ABCA4: variants seen among roughly 807,000 people sequenced by gnomAD.
ABCA4 encodes the protein ATP binding cassette subfamily A member 4.
A neutral mutation model predicts 263.7 loss-of-function variants in ABCA4; 196 were observed. The observed-to-expected ratio is 0.74, with a 90% confidence interval of 0.66 to 0.84. ABCA4 has a LOEUF of 0.84. ABCA4 is among the 40% of genes least tolerant of loss of function. The probability of loss-of-function intolerance (pLI) is 0.00; values close to 1 mark genes in which losing one functional copy is unlikely to be tolerated. For missense variants in ABCA4, 2,792 were observed against 2,855.1 expected, an observed-to-expected ratio of 0.98 and a Z score of 0.50; for synonymous variants, 1,133 against 1,094.2, an observed-to-expected ratio of 1.04 and a Z score of -0.70.
chr1:94,098,747 C>A (rs764563400), intron 6 of ABCA4, 47 bp downstream of exon 6: 18 of 1,603,500 alleles, frequency 1.1e-5, no homozygotes, highest in African/African-American at 1.3e-5. Context: ...GCTCTGCTAC[C>A]CCAGGAATCA....
At chr1:94,052,869 C>T (rs1660877231) in intron 16 of ABCA4, among the ~76,000 whole-genome samples, 3 of 152,198 alleles carry the variant, frequency 2.0e-5, no homozygotes. Flanking sequence ...TAAGCCCCTT[C>T]CTCTACCACA....
intron 6 of ABCA4, among the ~76,000 whole-genome samples, chr1:94,090,309 T>G (rs1260511938): frequency 6.6e-6 from 1 of 152,148 alleles, no homozygotes; most frequent in African/African-American, 2.4e-5. Context: ...TCATTTAATA[T>G]TCATTCATTA....
Position 94,001,880 on chromosome 1 carries a change from C to A in ABCA4, c.6260G>T (p.Gly2087Val). 1 of 1,614,242 alleles carries A rather than the reference C, an allele frequency of 6.2e-7. No individual in the cohort carries two copies. ...RKLSTAIALI[G>V]CPPLVLLDEP... ...TACCAGCAGCACCAGCGGTGGGCAG[C>A]CAATGAGTGCGATGGCTGTGGAGAG... Residue 2087 changes from glycine (G) to valine (V), a missense_variant, in exon 45 of 50, where the codon GGC becomes GTC. Transcript: ENST00000370225.
chr1:94,009,022 G>A, intron 40 of ABCA4, 151 bp from the exon 41 acceptor site: 1 of 1,157,534 alleles, frequency 8.6e-7, no homozygotes, highest in Non-Finnish European at 1.2e-6. Flanking sequence ...CTCCCAGCAG[G>A]AGAGGCATTA....
chr1:94,062,003 G>A (rs775100801), intron 13 of ABCA4, among the ~76,000 whole-genome samples: 1 of 152,046 alleles, frequency 6.6e-6, no homozygotes, highest in Non-Finnish European at 1.5e-5. Context: ...CAGTCAAACA[G>A]TAGGCTGCTT....
At chr1:94,099,159 G>A (rs1662223495) in intron 5 of ABCA4, among the ~76,000 whole-genome samples, 168 bp from the exon 6 acceptor site, 1 of 152,154 alleles carries the variant, frequency 6.6e-6, no homozygotes, top group Non-Finnish European at 1.5e-5. Context: ...AGATTATTTT[G>A]GCTTTTCTAG....
chr1:94,087,287 C>A (rs1300347733), intron 6 of ABCA4, among the ~76,000 whole-genome samples: 4 of 152,190 alleles, frequency 2.6e-5, no homozygotes, highest in African/African-American at 9.7e-5. Flanking sequence ...ATAAGAAAGA[C>A]CTCAAGAATA....
intron 43 of ABCA4, 82 bp downstream of exon 43, chr1:94,007,552 A>C: frequency 7.9e-7 from 1 of 1,267,170 alleles, no homozygotes; most frequent in Non-Finnish European, 1.2e-6. Context: ...CCACCCTACT[A>C]TAGGGTCTGA....
intron 40 of ABCA4, 96 bp downstream of exon 40, chr1:94,010,704 G>A: frequency 1.9e-6 from 3 of 1,564,652 alleles, no homozygotes; most frequent in Non-Finnish European, 2.6e-6. Flanking sequence ...ACATTGTGGA[G>A]TGGGGCTCCT....
intron 11 of ABCA4, 41 bp downstream of exon 11, chr1:94,077,649 C>G: frequency 6.4e-7 from 1 of 1,560,438 alleles, no homozygotes; most frequent in Non-Finnish European, 8.7e-7. Flanking sequence ...ACTCATGGGG[C>G]TATCTTCAAG....
intron 38 of ABCA4, 93 bp downstream of exon 38, chr1:94,014,450 T>C: frequency 3.5e-6 from 5 of 1,433,182 alleles, no homozygotes; most frequent in Non-Finnish European, 4.9e-6. Context: ...ATACAGCTGC[T>C]ACATGTACGA....
Position 94,053,798 on chromosome 1 carries a change from C to G in ABCA4, c.2587+1313G>C, listed in dbSNP as rs540458507. ...TTAGTGGTATTTTGTTATGGCAGCC[C>G]TAGTAAATGAATGCACGCTTGCCAC... On this transcript the variant is annotated intron_variant, in intron 16 of 49. Transcript: ENST00000370225. Among the ~76,000 whole-genome samples the G allele has an allele frequency of 1.6e-4, 24 of 152,344 alleles. 1 individual carries two copies. The South Asian group carries it at 5.0e-3, about 32-fold the overall frequency.
Position 94,055,330 on chromosome 1 carries a change from A to T in ABCA4, c.2383-15T>A, listed in dbSNP as rs1660946852. 1 of 1,613,056 alleles carries T rather than the reference A, an allele frequency of 6.2e-7. No homozygotes were observed. Among genetic ancestry groups the T allele is most frequent in the African/African-American group, 1.3e-5 (1 of 75,004 alleles). ...GACAGTAAGCTCTGCAGTGAGGCGG[A>T]GAGGGCACAGAAAAAGAGCAGTGCC... On this transcript the variant is annotated splice_polypyrimidine_tract_variant and intron_variant, in intron 15 of 49. Coordinates refer to ENST00000370225, the MANE Select transcript of ABCA4 (RefSeq NM_000350.3).
At chr1:94,113,736 G>A (rs1570434929) in intron 1 of ABCA4, among the ~76,000 whole-genome samples, 1 of 152,378 alleles carries the variant, frequency 6.6e-6, no homozygotes, top group South Asian at 2.1e-4. Flanking sequence ...CTTCCTTCAA[G>A]TTTCTATTGC....
intron 4 of ABCA4, among the ~76,000 whole-genome samples, chr1:94,104,990 TGCACACATGC>T (rs976305700): frequency 6.6e-5 from 10 of 151,736 alleles, no homozygotes; most frequent in African/African-American, 1.7e-4. Flanking sequence ...CACACACACA[TGCACACATGC>T]GCACACATGC....
At chr1:94,054,881 C>T (rs1660931459) in intron 16 of ABCA4, among the ~76,000 whole-genome samples, 1 of 152,142 alleles carries the variant, frequency 6.6e-6, no homozygotes, top group South Asian at 2.1e-4. Context: ...AAGGAAGAGA[C>T]TGGCATTGGG....
In ABCA4 at chr1:94,031,969, T is replaced by G. The variant is rs1300088198; in HGVS notation, c.3937A>C (p.Thr1313Pro). The G allele has an allele frequency of 6.2e-7, 1 of 1,614,052 alleles. No homozygotes were observed. The highest frequency in any genetic ancestry group is 1.1e-5 in the South Asian group (1 of 91,064). The change falls in exon 27 of 50, where the codon ACA becomes CCA. Residue 1313 changes from threonine (T) to proline (P), a missense_variant. Transcript: ENST00000370225. ...CLGPREKAGQTPQDSNVCSPG... is the reference protein window; with the variant it reads ...CLGPREKAGQPPQDSNVCSPG... ...GAGCAGACATTGGAGTCCTGGGGTG[T>G]CTGTCCAGCCTTCTCTCTGGGACCC...
At chr1:94,061,935 A>C (rs1314444689) in intron 13 of ABCA4, among the ~76,000 whole-genome samples, 8 of 114,638 alleles carry the variant, frequency 7.0e-5, no homozygotes, top group Non-Finnish European at 1.2e-4. Context: ...TATAATGACA[A>C]ATGAGCCTCC....
chr1:94,108,860 C>G lies in ABCA4; in HGVS notation c.303-144G>C, dbSNP rs191396638. The G allele has an allele frequency of 0.023, 24,110 of 1,056,006 alleles. 359 individuals carry two copies. Among genetic ancestry groups the G allele is most frequent in the Non-Finnish European group, 0.028 (20,262 of 734,028 alleles). 65.4% of individuals were successfully genotyped at this position (1,056,006 alleles called of 1,614,324 possible). A position where few individuals can be genotyped will look rare whatever the true frequency, so the allele number is the denominator to read the frequency against. ...TGATCTCGGCTCACTGCAAGCTCTG[C>G]CCCCCGGGTTCACGCTATTCTCCTG... is the stretch of plus-strand genomic sequence containing the variant. On this transcript the variant is annotated intron_variant, in intron 3 of 49. Transcript: ENST00000370225.
Sources: gnomAD v4.1 joint callset for allele counts (sites outside exome capture counted in the v4.1 genomes callset) on GRCh38, gnomAD v4.1.1 for gene constraint, MANE v1.5 for transcripts, NCBI Gene and HGNC (gene_info 2026-07-23, HGNC 2026-07-21) for gene names.